Variants in ADAM9 observed in about 807,000 individuals in gnomAD.
ADAM9 encodes disintegrin and metalloproteinase domain-containing protein 9.
A neutral mutation model predicts 108.1 loss-of-function variants in ADAM9; 54 were observed. That is an observed-to-expected ratio of 0.50 (90% CI 0.40 to 0.63). The LOEUF is 0.63. ADAM9 is among the 20% of genes least tolerant of loss of function. The probability of loss-of-function intolerance (pLI) is 0.00; values close to 1 mark genes in which losing one functional copy is unlikely to be tolerated. For synonymous variants in ADAM9, 316 were observed against 336.0 expected (o/e 0.94, Z 0.65); for missense variants, 830 against 997.7 (o/e 0.83, Z 2.26).
intron 1 of ADAM9, among the ~76,000 whole-genome samples, chr8:39,005,046 C>G (rs1836117964): frequency 6.6e-6 from 1 of 152,218 alleles, no homozygotes; most frequent in South Asian, 2.1e-4. Context: ...TTTATCCAGC[C>G]TCTATTCAAG....
intron 8 of ADAM9, among the ~76,000 whole-genome samples, chr8:39,022,138 T>C (rs1213085623): frequency 2.6e-5 from 4 of 151,178 alleles, no homozygotes; most frequent in Non-Finnish European, 4.4e-5. Flanking sequence ...GTGTTTGGTT[T>C]GAGATTTTGG....
intron 12 of ADAM9, among the ~76,000 whole-genome samples, chr8:39,042,825 TA>T (rs1837494031): frequency 6.6e-6 from 1 of 152,196 alleles, no homozygotes; most frequent in Admixed American, 6.5e-5. Context: ...ACAGTATTGT[TA>T]ACTCTGGGTA....
chr8:39,032,147 AGTCT>A (rs979423513), intron 11 of ADAM9, among the ~76,000 whole-genome samples: 3 of 152,248 alleles, frequency 2.0e-5, no homozygotes, highest in Non-Finnish European at 4.4e-5. Context: ...TTGAGGAGGC[AGTCT>A]GTCTGTTCTC....
At chr8:39,101,816 T>C in intron 20 of ADAM9, 47 bp from the exon 21 acceptor site, 1 of 1,415,824 alleles carries the variant, frequency 7.1e-7, no homozygotes, top group Non-Finnish European at 9.9e-7. Context: ...AGAAATCATA[T>C]TTATGAGCAC....
At chr8:39,067,475 G>C (rs1487952857) in intron 14 of ADAM9, among the ~76,000 whole-genome samples, 4 of 152,152 alleles carry the variant, frequency 2.6e-5, no homozygotes, top group African/African-American at 9.7e-5. Flanking sequence ...CACATCCCTT[G>C]TAAGTTGGAT....
At chr8:39,098,632 G>A (rs1839584425) in intron 20 of ADAM9, among the ~76,000 whole-genome samples, 1 of 152,062 alleles carries the variant, frequency 6.6e-6, no homozygotes, top group Admixed American at 6.6e-5. Context: ...ATTTGTGATT[G>A]TTTGTTATAG....
intron 4 of ADAM9, 120 bp from the exon 5 acceptor site, chr8:39,015,998 A>G (rs1836513362): frequency 1.1e-6 from 1 of 912,422 alleles, no homozygotes; most frequent in Middle Eastern, 3.3e-4. Flanking sequence ...AATAATATAA[A>G]TAAAACTTTG....
At chr8:39,056,375 G>A (rs1838124540) in intron 14 of ADAM9, among the ~76,000 whole-genome samples, 1 of 123,046 alleles carries the variant, frequency 8.1e-6, no homozygotes, top group African/African-American at 2.7e-5. Flanking sequence ...GTTAACTTGT[G>A]CTAGGTTTTT....
At position 39,104,848 on chromosome 8, in the gene ADAM9, T is replaced by G. The variant is rs1430352615; in HGVS notation, c.*1148T>G. The G allele has an allele frequency of 2.2e-6, 1 of 449,858 alleles. No individual in the cohort carries two copies. Among genetic ancestry groups the G allele is most frequent in the Admixed American group, 2.4e-5 (1 of 41,826 alleles). The allele number at this position is 449,858 out of a possible 1,614,324, so 27.9% of individuals were successfully genotyped here. ...AGATATGGTATGGATCGTAAAATTT[T>G]AAGCACTAAAAATTTTTTCATAACC... On this transcript the variant is annotated 3_prime_UTR_variant, in exon 22 of 22. Transcript: ENST00000487273.
At chr8:39,070,759 TAAAAA>T (rs79278083) in intron 14 of ADAM9, among the ~76,000 whole-genome samples, 2 of 135,064 alleles carry the variant, frequency 1.5e-5, no homozygotes, top group Admixed American at 1.5e-4. Context: ...TCCTGTCTCT[TAAAAA>T]AAAAAAAAAA....
At chr8:39,002,312 C>CTTTTTT (rs35517175) in intron 1 of ADAM9, among the ~76,000 whole-genome samples, 11 of 71,486 alleles carry the variant, frequency 1.5e-4, no homozygotes, top group Admixed American at 2.0e-4. Context: ...AGGTAGAATT[C>CTTTTTT]TTTTTTTTTT....
intron 11 of ADAM9, among the ~76,000 whole-genome samples, chr8:39,035,463 T>C (rs1837239878): frequency 6.6e-6 from 1 of 152,192 alleles, no homozygotes; most frequent in African/African-American, 2.4e-5. Flanking sequence ...TTTCTTGTAG[T>C]GTATTGTGGC....
intron 8 of ADAM9, 43 bp from the exon 9 acceptor site, chr8:39,023,113 G>A (rs375454495): frequency 3.9e-6 from 6 of 1,541,880 alleles, no homozygotes; most frequent in Admixed American, 1.8e-5. Flanking sequence ...TTTTTCTCAC[G>A]TTCTTTACTA....
At chr8:39,081,887 T>C (rs1839035478) in intron 16 of ADAM9, among the ~76,000 whole-genome samples, 1 of 152,194 alleles carries the variant, frequency 6.6e-6, no homozygotes, top group Non-Finnish European at 1.5e-5. Context: ...CTTTTTTTCC[T>C]CTAACATCAC....
intron 12 of ADAM9, 128 bp from the exon 13 acceptor site, chr8:39,054,351 CTG>C: frequency 2.6e-6 from 2 of 784,156 alleles, no homozygotes; most frequent in South Asian, 2.9e-5. Flanking sequence ...CAGTAAGCAA[CTG>C]TTTCTGGAGG....
intron 20 of ADAM9, 36 bp from the exon 21 acceptor site, chr8:39,101,827 A>C: frequency 6.7e-7 from 1 of 1,482,486 alleles, no homozygotes; most frequent in African/African-American, 1.4e-5. Flanking sequence ...TTATGAGCAC[A>C]TAGTGGTAAT....
chr8:39,083,989 A>T (rs945425697), intron 18 of ADAM9, among the ~76,000 whole-genome samples: 9 of 152,120 alleles, frequency 5.9e-5, no homozygotes, highest in Admixed American at 2.0e-4. Flanking sequence ...CCTCTCTAAC[A>T]GTTGCTATTG....
chr8:39,028,206 C>T (rs1401872610), intron 11 of ADAM9, among the ~76,000 whole-genome samples: 1 of 152,174 alleles, frequency 6.6e-6, no homozygotes, highest in Non-Finnish European at 1.5e-5. Context: ...CTTCTGTCAA[C>T]CAGCCTTTCA....
intron 12 of ADAM9, among the ~76,000 whole-genome samples, chr8:39,046,481 A>G (rs1409269270): frequency 6.6e-6 from 1 of 152,112 alleles, no homozygotes; most frequent in East Asian, 1.9e-4. Context: ...TCTGGCTAGG[A>G]CTTCCAATAC....
Sources: gnomAD v4.1 joint callset for allele counts (sites outside exome capture counted in the v4.1 genomes callset) on GRCh38, gnomAD v4.1.1 for gene constraint, MANE v1.5 for transcripts, NCBI Gene and HGNC (gene_info 2026-07-23, HGNC 2026-07-21) for gene names.